The following EARS2 variants were observed in gnomAD, a reference collection of about 807,000 sequenced individuals.
The protein encoded by EARS2 is glutamyl-tRNA synthetase 2, mitochondrial.
Under a neutral mutation model 54.1 loss-of-function variants are expected in EARS2, and 50 were observed. The ratio of observed to expected loss-of-function variants is 0.92; its 90% CI spans 0.74 to 1.17. The LOEUF (loss-of-function observed/expected upper bound fraction) is 1.17. EARS2 is among the 50% of genes most tolerant of loss of function. The pLI is 0.00. For missense variants in EARS2, 673 were observed against 675.0 expected (o/e 1.00, Z 0.03); for synonymous variants, 298 against 281.0 (o/e 1.06, Z -0.61).
intron 1 of EARS2, chr16:23,556,844 T>A: frequency 1.9e-6 from 1 of 518,136 alleles, no homozygotes; most frequent in East Asian, 4.9e-5. Context: ...TATAAGTGTC[T>A]GCGGCAGCCA....
chr16:23,529,310 C>T (rs1965281838), intron 7 of EARS2, among the ~76,000 whole-genome samples, 192 bp downstream of exon 7: 1 of 152,180 alleles, frequency 6.6e-6, no homozygotes, highest in Non-Finnish European at 1.5e-5. Flanking sequence ...TGAACACATG[C>T]CTATGTCCAG....
At chr16:23,538,117 A>G (rs1965454074) in intron 3 of EARS2, among the ~76,000 whole-genome samples, 1 of 149,966 alleles carries the variant, frequency 6.7e-6, no homozygotes, top group Non-Finnish European at 1.5e-5. Flanking sequence ...TTGATGATGC[A>G]GTAAGAAAAC....
chr16:23,543,117 CAAAAAAAAA>C (rs35137770), intron 3 of EARS2, among the ~76,000 whole-genome samples: 1 of 71,994 alleles, frequency 1.4e-5, no homozygotes, highest in Non-Finnish European at 2.4e-5. Flanking sequence ...TCTGTCTCAC[CAAAAAAAAA>C]AAAAAAAAAA....
In EARS2 at chr16:23,544,572, A is replaced by G; in HGVS notation, c.427T>C (p.Ser143Pro). Residue 143 changes from serine to proline, a missense_variant, in exon 3 of 9, where the codon TCA becomes CCA. Physicochemically the swap from Ser to Pro is moderately conservative, Grantham distance 74. This residue lies in a region of EARS2 where 316 missense variants were observed against 275.2 expected (regional missense o/e 1.15). Transcript: ENST00000449606. Reference sequence around the variant, plus strand: ...TTCAGGAGCTCCAGCCGCTGGGGTGAGCAGAAACAGGGGTAAGCAGCTCCG... The same window carrying G: ...TTCAGGAGCTCCAGCCGCTGGGGTGGGCAGAAACAGGGGTAAGCAGCTCCG... ...KTGAAYPCFC[S>P]PQRLELLKKE... The G allele has an allele frequency of 6.2e-7, 1 of 1,614,082 alleles. No homozygotes were observed. The highest frequency in any genetic ancestry group is 8.5e-7 in the Non-Finnish European group (1 of 1,180,012).
Position 23,552,321 on chromosome 16 carries a change from C to T in EARS2, c.140-17G>A, listed in dbSNP as rs1284794126. ...GCAAGAAGCCTGGAGAAGAGAACAG[C>T]TCAGATAAGACAGGGAAGATAAGCT... On this transcript the variant is annotated splice_polypyrimidine_tract_variant and intron_variant, in intron 1 of 8. Transcript: ENST00000449606. The T allele has an allele frequency of 1.2e-5, 20 of 1,612,946 alleles. No homozygotes were observed. In the South Asian group the frequency reaches 2.0e-4, roughly 16 times the overall value.
intron 4 of EARS2, among the ~76,000 whole-genome samples, chr16:23,534,093 C>G (rs1458833265): frequency 7.9e-5 from 12 of 151,800 alleles, no homozygotes; most frequent in Non-Finnish European, 1.8e-4. Flanking sequence ...GTGCTGGGAG[C>G]TGCTTCTTGT....
At chr16:23,556,745 C>A (rs145960844) in intron 1 of EARS2, 57 of 375,908 alleles carry the variant, frequency 1.5e-4, no homozygotes, top group Non-Finnish European at 2.8e-4. Context: ...CTCAGTAAAG[C>A]CTTCTGGAGC....
intron 2 of EARS2, among the ~76,000 whole-genome samples, chr16:23,551,060 T>C (rs1401545797): frequency 6.6e-6 from 1 of 152,200 alleles, no homozygotes; most frequent in Non-Finnish European, 1.5e-5. Flanking sequence ...TTAAAAAAAA[T>C]CTGAGCCCAG....
chr16:23,524,983 T>C, intron 8 of EARS2: 2 of 592,072 alleles, frequency 3.4e-6, no homozygotes, highest in Non-Finnish European at 5.9e-6. Flanking sequence ...CTAGGTCTGT[T>C]ATCCCCAATA....
At chr16:23,527,236 G>C (rs1364097830) in intron 7 of EARS2, among the ~76,000 whole-genome samples, 1 of 152,086 alleles carries the variant, frequency 6.6e-6, no homozygotes, top group African/African-American at 2.4e-5. Context: ...AGAATACTGG[G>C]ATTACAGGTA....
chr16:23,538,502 G>A (rs1419515151), intron 3 of EARS2, among the ~76,000 whole-genome samples: 2 of 152,176 alleles, frequency 1.3e-5, no homozygotes, highest in Non-Finnish European at 2.9e-5. Context: ...TCTCCAAGCT[G>A]TCATATGTTT....
chr16:23,530,843 T>A (rs1965314191), intron 5 of EARS2, among the ~76,000 whole-genome samples: 1 of 151,466 alleles, frequency 6.6e-6, no homozygotes, highest in Non-Finnish European at 1.5e-5. Context: ...ACCACTGCAC[T>A]CCAGCCTGGG....
chr16:23,554,108 C>G (rs1023431362), intron 1 of EARS2, among the ~76,000 whole-genome samples: 19 of 152,034 alleles, frequency 1.2e-4, no homozygotes, highest in African/African-American at 4.6e-4. Flanking sequence ...CACCCAGGCT[C>G]AATCAATCCT....
chr16:23,557,208 T>C lies in EARS2; in HGVS notation c.136A>G (p.Thr46Ala). The C allele has an allele frequency of 1.3e-6, 2 of 1,512,260 alleles. No individual in the cohort carries two copies. The highest frequency in any genetic ancestry group is 1.8e-6 in the Non-Finnish European group (2 of 1,139,266). 93.7% of individuals were successfully genotyped at this position (1,512,260 alleles called of 1,614,324 possible). A position where few individuals can be genotyped will look rare whatever the true frequency, so the allele number is the denominator to read the frequency against. ...AVRVRFAPSPTGFLHLGGLRT... is the reference protein window; with the variant it reads ...AVRVRFAPSPAGFLHLGGLRT... ...GCGTCACGTCCGCCAGGGTTACCTGTGGGGCTGGGAGCGAACCGCACTCGC... is the reference window on the plus strand; with the variant it reads ...GCGTCACGTCCGCCAGGGTTACCTGCGGGGCTGGGAGCGAACCGCACTCGC... Residue 46 changes from threonine to alanine, a missense_variant, in exon 1 of 9, where the codon ACA (threonine) becomes GCA (alanine). Thr to Ala is a moderately conservative substitution (Grantham distance 58). Coordinates refer to ENST00000449606, the MANE Select transcript of EARS2 (RefSeq NM_001083614.2).
Position 23,529,903 on chromosome 16 carries a change from G to C in EARS2, c.1068-6C>G, listed in dbSNP as rs766195572. On this transcript the variant is annotated splice_polypyrimidine_tract_variant and splice_region_variant and intron_variant, in intron 5 of 8. Coordinates refer to ENST00000449606, the MANE Select transcript of EARS2 (RefSeq NM_001083614.2). The stretch of plus-strand genomic sequence containing the variant: ...CCAGCCGCTGGAGGTGCAGTCTGCG[G>C]AAGAAATCAAGGGGCTGCCCTGCTG... The C allele has an allele frequency of 1.5e-5, 24 of 1,613,852 alleles. No individual in the cohort carries two copies. Among genetic ancestry groups the C allele is most frequent in the Non-Finnish European group, 2.0e-5 (24 of 1,179,938 alleles).
intron 5 of EARS2, among the ~76,000 whole-genome samples, chr16:23,531,048 C>T (rs558682859): frequency 6.7e-6 from 1 of 149,756 alleles, no homozygotes; most frequent in Non-Finnish European, 1.5e-5. Flanking sequence ...CCCGCCACGT[C>T]GGGCTGATTT....
chr16:23,543,862 T>A (rs927830042), intron 3 of EARS2, among the ~76,000 whole-genome samples: 1 of 152,202 alleles, frequency 6.6e-6, no homozygotes, highest in Non-Finnish European at 1.5e-5. Flanking sequence ...AAAACTTTGT[T>A]TCGTGCACAA....
chr16:23,531,815 C>T (rs1965332080), intron 5 of EARS2, among the ~76,000 whole-genome samples: 1 of 152,136 alleles, frequency 6.6e-6, no homozygotes, highest in Non-Finnish European at 1.5e-5. Context: ...GTCTTGCAAA[C>T]CACTAATAAC....
chr16:23,550,369 A>T (rs927127736), intron 2 of EARS2, among the ~76,000 whole-genome samples: 3 of 138,758 alleles, frequency 2.2e-5, no homozygotes, highest in Non-Finnish European at 3.2e-5. Context: ...TTTGTTTGTT[A>T]AAAAAAAAAA....
Sources: gnomAD v4.1 joint callset for allele counts (sites outside exome capture counted in the v4.1 genomes callset) on GRCh38, gnomAD v4.1.1 for gene constraint, gnomAD v4.1.1 regional missense constraint, MANE v1.5 for transcripts, NCBI Gene and HGNC (gene_info 2026-07-23, HGNC 2026-07-21) for gene names.